POGLUT1: variants seen among roughly 807,000 people sequenced by gnomAD.
POGLUT1 encodes the protein protein O-glucosyltransferase 1.
A neutral mutation model predicts 61.3 loss-of-function variants in POGLUT1; 32 were observed. The ratio of observed to expected loss-of-function variants is 0.52; its 90% confidence interval spans 0.39 to 0.70. The LOEUF is 0.70. POGLUT1 is among the 30% of genes least tolerant of loss of function. The probability of loss-of-function intolerance (pLI) is 0.00; values close to 1 mark genes in which losing one functional copy is unlikely to be tolerated. For synonymous variants in POGLUT1, 158 were observed against 158.2 expected, an observed-to-expected ratio of 1.00 and a Z score of 0.01; for missense variants, 411 against 469.8, an observed-to-expected ratio of 0.87 and a Z score of 1.16.
intron 5 of POGLUT1, among the ~76,000 whole-genome samples, chr3:119,484,906 A>G (rs1345798279): frequency 6.6e-6 from 1 of 152,224 alleles, no homozygotes; most frequent in Non-Finnish European, 1.5e-5. Context: ...AGTGACTTTG[A>G]TTAGACTTAC....
intron 3 of POGLUT1, among the ~76,000 whole-genome samples, chr3:119,475,954 CCACACACACACA>C (rs539140166): frequency 0.16 from 21,051 of 130,870 alleles, 1,876 homozygotes; most frequent in Admixed American, 0.22. Flanking sequence ...GACTGTCTCT[CCACACACACACA>C]CACACACACA....
At chr3:119,475,054 C>T (rs1384143418) in intron 3 of POGLUT1, among the ~76,000 whole-genome samples, 1 of 151,784 alleles carries the variant, frequency 6.6e-6, no homozygotes, top group Non-Finnish European at 1.5e-5. Context: ...CTCCAAAAGA[C>T]ATTCAGTGAA....
At chr3:119,480,604 T>C (rs6438532) in intron 5 of POGLUT1, among the ~76,000 whole-genome samples, 72,203 of 152,052 alleles carry the variant, frequency 0.47, 18,223 homozygotes, top group African/African-American at 0.64. Flanking sequence ...AAAACTGTAG[T>C]GTAAACAATT....
rs767091609 is a variant in POGLUT1, at chr3:119,490,542, T to C, written c.798-9T>C. 12 of 1,613,042 alleles carry C rather than the reference T, an allele frequency of 7.4e-6. No homozygotes were observed. In the Admixed American group the frequency reaches 2.0e-4, roughly 27 times the overall value. ...TAGTATCAAATGTATTTTGTTCTTT[T>C]TTCCCCAGGTATCTGTTTAATTTTC... On this transcript the variant is annotated splice_polypyrimidine_tract_variant and intron_variant, in intron 8 of 10. Transcript: ENST00000295588.
intron 1 of POGLUT1, 148 bp downstream of exon 1, chr3:119,469,254 G>A (rs918065783): frequency 1.4e-5 from 9 of 656,690 alleles, no homozygotes; most frequent in South Asian, 3.5e-5. Context: ...GCCTTGCGGC[G>A]GAGAGTGAGG....
chr3:119,469,223 C>T, intron 1 of POGLUT1, 117 bp downstream of exon 1: 1 of 822,980 alleles, frequency 1.2e-6, no homozygotes, highest in Non-Finnish European at 2.0e-6. Context: ...TAGCTCGGAG[C>T]TGGGCAGAAG....
At position 119,468,972 on chromosome 3, in the gene POGLUT1, C is replaced by G. The variant is rs770241405; in HGVS notation, c.-50C>G. Reference sequence around the variant, plus strand: ...CTCCCGGGCCATCTTTGTGCGGGGCCGCGCTTCCGCCAGCGCCGCAGCGGG... The same window carrying G: ...CTCCCGGGCCATCTTTGTGCGGGGCGGCGCTTCCGCCAGCGCCGCAGCGGG... On this transcript the variant is annotated 5_prime_UTR_variant, in exon 1 of 11. Coordinates refer to ENST00000295588, the MANE Select transcript of POGLUT1 (RefSeq NM_152305.3). 4.2e-5 allele frequency: 63 copies of G among 1,511,492 alleles called. No homozygotes were observed. The highest frequency in any genetic ancestry group is 5.5e-5 in the Non-Finnish European group (61 of 1,109,718). 93.6% of individuals were successfully genotyped at this position (1,511,492 alleles called of 1,614,324 possible). A position where few individuals can be genotyped will look rare whatever the true frequency, so the allele number is the denominator to read the frequency against.
At position 119,493,011 on chromosome 3, in the gene POGLUT1, C is replaced by T. The variant is rs549416352; in HGVS notation, c.*573C>T. On this transcript the variant is annotated 3_prime_UTR_variant, in exon 11 of 11. Coordinates refer to ENST00000295588, the MANE Select transcript of POGLUT1 (RefSeq NM_152305.3). Reference sequence around the variant, plus strand: ...GATGTAGGAGTTCTCTTTTGTAAAACCATAAACTGTGTTACTCAGGAGGTT... The same window carrying T: ...GATGTAGGAGTTCTCTTTTGTAAAATCATAAACTGTGTTACTCAGGAGGTT... The T allele has an allele frequency of 1.3e-5, 2 of 152,608 alleles. No homozygotes were observed. The highest frequency in any genetic ancestry group is 4.1e-4 in the South Asian group (2 of 4,824). The allele number at this position is 152,608 out of a possible 1,614,324, so 9.5% of individuals were successfully genotyped here.
At position 119,469,010 on chromosome 3, in the gene POGLUT1, G is replaced by T. The variant is rs778746508; in HGVS notation, c.-12G>T. Reference sequence around the variant, plus strand: ...GCGCCGCAGCGGGGAATCTGCAGTAGGTCTGCCGGCGATGGAGTGGTGGGC... The same window carrying T: ...GCGCCGCAGCGGGGAATCTGCAGTATGTCTGCCGGCGATGGAGTGGTGGGC... On this transcript the variant is annotated 5_prime_UTR_variant, in exon 1 of 11. In the 5' UTR this introduces an upstream ATG that the reference lacks. Transcript: ENST00000295588. 6 of 1,604,846 alleles carry T rather than the reference G, an allele frequency of 3.7e-6. No homozygotes were observed. Among genetic ancestry groups the T allele is most frequent in the Non-Finnish European group, 5.1e-6 (6 of 1,176,948 alleles).
chr3:119,471,509 C>A (rs984604599), intron 3 of POGLUT1, 57 bp downstream of exon 3: 20 of 1,515,050 alleles, frequency 1.3e-5, no homozygotes, highest in Non-Finnish European at 1.6e-5. Flanking sequence ...GGCTTGATAC[C>A]CTTTTATAGA....
At chr3:119,492,193 T>A in intron 10 of POGLUT1, 89 bp from the exon 11 acceptor site, 1 of 918,690 alleles carries the variant, frequency 1.1e-6, no homozygotes, top group Non-Finnish European at 1.6e-6. Context: ...TGCTGAATAA[T>A]GCTTGGCACA....
At chr3:119,481,938 T>A (rs929064764) in intron 5 of POGLUT1, among the ~76,000 whole-genome samples, 5 of 152,220 alleles carry the variant, frequency 3.3e-5, no homozygotes, top group African/African-American at 1.2e-4. Flanking sequence ...GGTTGTTTTT[T>A]AAAATTTTTT....
At chr3:119,492,214 T>C in intron 10 of POGLUT1, 68 bp from the exon 11 acceptor site, 1 of 1,202,664 alleles carries the variant, frequency 8.3e-7, no homozygotes, top group Non-Finnish European at 1.2e-6. Flanking sequence ...AGGTGAGCAC[T>C]CAAATGCAGA....
chr3:119,490,201 C>A, intron 8 of POGLUT1: 1 of 192,308 alleles, frequency 5.2e-6, no homozygotes, highest in Non-Finnish European at 1.1e-5. Flanking sequence ...TACCATTGAA[C>A]ATTTATTTTC....
At chr3:119,480,818 A>T (rs1257000430) in intron 5 of POGLUT1, among the ~76,000 whole-genome samples, 1 of 148,914 alleles carries the variant, frequency 6.7e-6, no homozygotes, top group East Asian at 2.0e-4. Flanking sequence ...GGCTCACTGC[A>T]ACCTCTGCCT....
intron 2 of POGLUT1, 121 bp from the exon 3 acceptor site, chr3:119,471,188 C>A: frequency 1.2e-6 from 1 of 828,270 alleles, no homozygotes; most frequent in Non-Finnish European, 2.0e-6. Flanking sequence ...CATTCTCACT[C>A]TCGATTCTTT....
At chr3:119,486,304 C>G (rs78082721) in intron 6 of POGLUT1, among the ~76,000 whole-genome samples, 2 of 152,148 alleles carry the variant, frequency 1.3e-5, no homozygotes, top group South Asian at 4.1e-4. Context: ...TCCATGATGC[C>G]TCACATGTCA....
intron 2 of POGLUT1, among the ~76,000 whole-genome samples, chr3:119,470,580 AAG>A (rs1487474410): frequency 6.6e-6 from 1 of 152,130 alleles, no homozygotes; most frequent in Non-Finnish European, 1.5e-5. Context: ...CGTCTCAAAA[AAG>A]AGAGAGAATG....
intron 5 of POGLUT1, among the ~76,000 whole-genome samples, chr3:119,483,014 G>A (rs1475951896): frequency 2.0e-5 from 3 of 152,192 alleles, no homozygotes; most frequent in Admixed American, 6.5e-5. Context: ...CACAGTTTGG[G>A]TTTGTGTATA....
Sources: allele counts gnomAD v4.1 joint callset (sites outside exome capture counted in the v4.1 genomes callset), GRCh38; gene constraint gnomAD v4.1.1; transcripts MANE v1.5; gene names NCBI Gene and HGNC (gene_info 2026-07-23, HGNC 2026-07-21).